The following C2orf42 variants were observed in gnomAD, a reference collection of about 807,000 sequenced individuals.
C2orf42 encodes chromosome 2 open reading frame 42, also known as uncharacterized protein C2orf42.
C2orf42 carries 44 observed loss-of-function variants against 58.9 expected under a neutral mutation model. The ratio of observed to expected loss-of-function variants is 0.75; its 90% CI spans 0.59 to 0.96. The LOEUF is 0.96. C2orf42 is among the 40% of genes least tolerant of loss of function. C2orf42 has a pLI of 0.00. For synonymous variants in C2orf42, 239 were observed against 265.4 expected (o/e 0.90, Z 0.97); for missense variants, 630 against 699.2 (o/e 0.90, Z 1.12).
intron 3 of C2orf42, among the ~76,000 whole-genome samples, 155 bp downstream of exon 3, chr2:70,181,000 CAAAAAAAA>C (rs58297085): frequency 1.7e-5 from 1 of 60,396 alleles, no homozygotes; most frequent in African/African-American, 7.2e-5. Flanking sequence ...GACCTTGTCT[CAAAAAAAA>C]AAAAAAAAAA....
intron 9 of C2orf42, among the ~76,000 whole-genome samples, chr2:70,159,327 C>G (rs181388122): frequency 7.9e-5 from 12 of 152,034 alleles, no homozygotes; most frequent in African/African-American, 2.7e-4. Flanking sequence ...GTGGCTCACA[C>G]CTGTAGTCCT....
At chr2:70,158,666 C>T (rs140025097) in intron 9 of C2orf42, among the ~76,000 whole-genome samples, 25,246 of 150,890 alleles carry the variant, frequency 0.17, 3,610 homozygotes, top group African/African-American at 0.38. Flanking sequence ...GCCAGGATGG[C>T]CTTGATCTCC....
In C2orf42 at chr2:70,181,899, G is replaced by T; in HGVS notation, c.87C>A (p.Pro29=). Residue 29 remains proline, a synonymous_variant, in exon 3 of 10, where the codon CCC becomes CCA. Transcript: ENST00000264434. ...GGGTTCCATTGTATGTGCCACATCG[G>T]GGACACTTTCTGATTCCCCTCAATG... ...KATLRGIRKC[P]RCGTYNGTRG... The T allele has an allele frequency of 6.2e-7, 1 of 1,613,688 alleles. No homozygotes were observed. Among genetic ancestry groups the T allele is most frequent in the South Asian group, 1.1e-5 (1 of 91,074 alleles).
At chr2:70,180,753 G>A (rs1379193857) in intron 3 of C2orf42, among the ~76,000 whole-genome samples, 1 of 151,714 alleles carries the variant, frequency 6.6e-6, no homozygotes, top group Non-Finnish European at 1.5e-5. Flanking sequence ...TGTGATCTCA[G>A]CACTTTGGGA....
rs143946390 is a variant in C2orf42, at chr2:70,178,634, T to C, written c.934+898A>G. Among the ~76,000 whole-genome samples, 1,053 of 148,206 alleles carry C rather than the reference T, an allele frequency of 7.1e-3. 13 individuals are homozygous for C. Among genetic ancestry groups the C allele is most frequent in the African/African-American group, 0.025 (1,009 of 40,126 alleles). On this transcript the variant is annotated intron_variant, in intron 4 of 9. Coordinates refer to ENST00000264434, the MANE Select transcript of C2orf42 (RefSeq NM_017880.3). ...AAATAAATAAATAAATAAATAAGGCTGGGTGCAGCGGCTCACGCCTTACTT... is the reference window on the plus strand; with the variant it reads ...AAATAAATAAATAAATAAATAAGGCCGGGTGCAGCGGCTCACGCCTTACTT...
chr2:70,186,889 T>C (rs1021785098), intron 1 of C2orf42, among the ~76,000 whole-genome samples: 1 of 142,024 alleles, frequency 7.0e-6, no homozygotes, highest in African/African-American at 2.7e-5. Context: ...CACTCATAGA[T>C]GGGAATTGAA....
intron 6 of C2orf42, among the ~76,000 whole-genome samples, chr2:70,167,143 G>C (rs988317026): frequency 6.6e-6 from 1 of 152,074 alleles, no homozygotes; most frequent in African/African-American, 2.4e-5. Context: ...TGGATCACCA[G>C]GTCAGGAAAT....
intron 9 of C2orf42, among the ~76,000 whole-genome samples, chr2:70,152,779 A>G (rs187718027): frequency 1.3e-5 from 2 of 152,292 alleles, no homozygotes; most frequent in Admixed American, 1.3e-4. Context: ...TCACGTCTGT[A>G]AACCCAGCAC....
chr2:70,163,751 G>A (rs1438392831), intron 8 of C2orf42, among the ~76,000 whole-genome samples: 1 of 152,020 alleles, frequency 6.6e-6, no homozygotes, highest in Non-Finnish European at 1.5e-5. Context: ...TCAGGAGGTT[G>A]AGGCATGAGA....
Position 70,181,481 on chromosome 2 carries a change from T to C in C2orf42, c.505A>G (p.Ile169Val). 1 of 1,613,806 alleles carries C rather than the reference T, an allele frequency of 6.2e-7. No individual in the cohort carries two copies. The highest frequency in any genetic ancestry group is 1.1e-5 in the South Asian group (1 of 91,068). The change falls in exon 3 of 10, where the codon ATC (isoleucine) becomes GTC (valine). Residue 169 changes from isoleucine (I) to valine (V), a missense_variant. Coordinates refer to ENST00000264434, the MANE Select transcript of C2orf42 (RefSeq NM_017880.3). ...MQASPETKQT[I>V]WQLATEPTGP... Reference sequence around the variant, plus strand: ...GTGGGTTCCGTGGCCAACTGCCAGATGGTCTGTTTGGTTTCCGGGGAGGCC... The same window carrying C: ...GTGGGTTCCGTGGCCAACTGCCAGACGGTCTGTTTGGTTTCCGGGGAGGCC...
intron 9 of C2orf42, among the ~76,000 whole-genome samples, chr2:70,151,510 T>C (rs2104813673): frequency 6.6e-6 from 1 of 152,010 alleles, no homozygotes; most frequent in East Asian, 2.0e-4. Flanking sequence ...AGCATGCTCC[T>C]GTAATCCCAG....
chr2:70,170,941 C>T (rs957702987), intron 5 of C2orf42, among the ~76,000 whole-genome samples: 4 of 151,802 alleles, frequency 2.6e-5, no homozygotes, highest in African/African-American at 9.7e-5. Flanking sequence ...CAGTGAAACC[C>T]CGTCTCTACT....
intron 9 of C2orf42, among the ~76,000 whole-genome samples, chr2:70,159,600 A>AG (rs1354095108): frequency 6.6e-6 from 1 of 152,128 alleles, no homozygotes; most frequent in East Asian, 1.9e-4. Context: ...CCAAAAAAAA[A>AG]AAAAAAATTT....
intron 5 of C2orf42, among the ~76,000 whole-genome samples, chr2:70,173,783 A>T (rs1673995477): frequency 6.6e-6 from 1 of 150,604 alleles, no homozygotes; most frequent in South Asian, 2.1e-4. Flanking sequence ...CACCCAGCTA[A>T]TTTTTTTTTG....
At chr2:70,183,455 G>A (rs1674711003) in intron 1 of C2orf42, among the ~76,000 whole-genome samples, 1 of 150,996 alleles carries the variant, frequency 6.6e-6, no homozygotes, top group African/African-American at 2.4e-5. Flanking sequence ...TTGAGATGGA[G>A]TCTCACTCTG....
chr2:70,188,840 C>T (rs1289159048), intron 1 of C2orf42, among the ~76,000 whole-genome samples: 1 of 152,096 alleles, frequency 6.6e-6, no homozygotes, highest in African/African-American at 2.4e-5. Flanking sequence ...TCAATTTGAG[C>T]TTGTTTGATA....
chr2:70,183,700 G>A (rs1674730641), intron 1 of C2orf42, among the ~76,000 whole-genome samples: 1 of 146,874 alleles, frequency 6.8e-6, no homozygotes, highest in African/African-American at 2.6e-5. Context: ...ACAGGCGTGA[G>A]CCAATGCGCC....
chr2:70,185,060 A>G (rs1299204887), intron 1 of C2orf42, among the ~76,000 whole-genome samples: 2 of 150,776 alleles, frequency 1.3e-5, no homozygotes, highest in Non-Finnish European at 3.0e-5. Flanking sequence ...ACTGCACTCC[A>G]GCCTGGGCGA....
intron 5 of C2orf42, 71 bp downstream of exon 5, chr2:70,175,602 A>G: frequency 1.1e-6 from 1 of 907,166 alleles, no homozygotes; most frequent in African/African-American, 1.6e-5. Flanking sequence ...AATGTGCATG[A>G]TTATACTGCT....
Sources: gnomAD v4.1 joint callset for allele counts (sites outside exome capture counted in the v4.1 genomes callset) on GRCh38, gnomAD v4.1.1 for gene constraint, MANE v1.5 for transcripts, NCBI Gene and HGNC (gene_info 2026-07-23, HGNC 2026-07-21) for gene names.